The following OTULIN variants were observed in gnomAD, a reference collection of about 807,000 sequenced individuals.
OTULIN encodes OTU deubiquitinase with linear linkage specificity.
OTULIN carries 15 observed loss-of-function variants against 39.6 expected under a neutral mutation model. That is an observed-to-expected ratio of 0.38 (90% CI 0.25 to 0.58). The LOEUF is 0.58. OTULIN is among the 20% of genes least tolerant of loss of function. OTULIN has a pLI of 0.66. For synonymous variants in OTULIN, 156 were observed against 170.3 expected, an observed-to-expected ratio of 0.92 and a Z score of 0.65; for missense variants, 319 against 445.9, an observed-to-expected ratio of 0.72 and a Z score of 2.56.
At chr5:14,681,183 A>G (rs527237253) in intron 3 of OTULIN, among the ~76,000 whole-genome samples, 3 of 150,140 alleles carry the variant, frequency 2.0e-5, no homozygotes, top group Non-Finnish European at 4.4e-5. Flanking sequence ...GTTTTTCTAT[A>G]TTTTTTTAGT....
In OTULIN at chr5:14,681,431, G is replaced by T. The variant is rs770017442; in HGVS notation, c.325-33G>T. On this transcript the variant is annotated intron_variant, in intron 3 of 6. Transcript: ENST00000284274. The stretch of plus-strand genomic sequence containing the variant: ...TTCTCTGCTATCTCAAGTCAGTAAC[G>T]ACCATTTTGAATTCTTTCATACCTT... 3 of 1,574,866 alleles carry T rather than the reference G, an allele frequency of 1.9e-6. No individual in the cohort carries two copies. In the South Asian group the frequency reaches 3.5e-5, roughly 18 times the overall value.
the OTULIN span, chr5:14,709,446 G>C: frequency 3.3e-5 from 5 of 152,280 alleles, no homozygotes; most frequent in Admixed American, 3.3e-4. Context: ...GTCCCCACGT[G>C]GGCACACCCC....
rs561389556 is a variant in OTULIN at position 14,695,036 on chromosome 5, T to C, written c.*1988T>C. 3.3e-5 allele frequency: 5 copies of C among 152,322 alleles called. No individual in the cohort carries two copies. The South Asian group carries it at 8.3e-4, about 25-fold the overall frequency. The allele number at this position is 152,322 out of a possible 1,614,324, so 9.4% of individuals were successfully genotyped here. A position where few individuals can be genotyped will look rare whatever the true frequency, so the allele number is the denominator to read the frequency against. On this transcript the variant is annotated 3_prime_UTR_variant, in exon 7 of 7. Transcript: ENST00000284274. ...TGTCATTGAATTTTAAGAATACTCA[T>C]GTTAATAATAGTCATCTATCCTTGC...
At chr5:14,678,823 A>T (rs374134780) in intron 3 of OTULIN, 48 bp downstream of exon 3, 14 of 1,285,074 alleles carry the variant, frequency 1.1e-5, no homozygotes. Flanking sequence ...ATAGTCTATC[A>T]TAAGTTGTTT....
chr5:14,711,382 G>C, the OTULIN span: 12 of 1,336,996 alleles, frequency 9.0e-6, no homozygotes, highest in Admixed American at 1.3e-4. Context: ...CGAGCAGGGA[G>C]ACAACACCGG....
intron 4 of OTULIN, among the ~76,000 whole-genome samples, chr5:14,686,099 C>T (rs572437392): frequency 6.6e-6 from 1 of 152,140 alleles, no homozygotes; most frequent in East Asian, 1.9e-4. Flanking sequence ...AAGTAATTTA[C>T]ATCCCAATCG....
At chr5:14,711,567 C>T in the OTULIN span, among the ~76,000 whole-genome samples, 1 of 152,202 alleles carries the variant, frequency 6.6e-6, no homozygotes, top group Admixed American at 6.5e-5. Context: ...ACTGCCCCGC[C>T]CCAGACAACC....
At chr5:14,710,990 A>G in the OTULIN span, 2 of 581,570 alleles carry the variant, frequency 3.4e-6, no homozygotes, top group Non-Finnish European at 6.2e-6. Context: ...TTACATAGCA[A>G]CAGTAAAGAC....
downstream of OTULIN, among the ~76,000 whole-genome samples, chr5:14,701,738 C>T (rs550418276): frequency 6.6e-5 from 10 of 152,256 alleles, 1 homozygote; most frequent in South Asian, 2.1e-3. Flanking sequence ...GCCGCCTTCT[C>T]TTTGGTGTGA....
chr5:14,686,980 A>G (rs1275269338), intron 4 of OTULIN, among the ~76,000 whole-genome samples: 3 of 152,230 alleles, frequency 2.0e-5, no homozygotes, highest in Non-Finnish European at 4.4e-5. Context: ...CATTTCTCTG[A>G]ATGTTAAAAC....
At chr5:14,713,965 C>T in the OTULIN span, among the ~76,000 whole-genome samples, 1 of 152,270 alleles carries the variant, frequency 6.6e-6, no homozygotes, top group African/African-American at 2.4e-5. The surrounding 1 kb of genome is among the most constrained non-coding windows in gnomAD (Gnocchi z 4.4). Context: ...TTGTCCAGTC[C>T]TGTCCCCACA....
At chr5:14,669,730 G>C (rs1163760571) in intron 1 of OTULIN, among the ~76,000 whole-genome samples, 1 of 152,140 alleles carries the variant, frequency 6.6e-6, no homozygotes, top group Non-Finnish European at 1.5e-5. Context: ...GTGGTTGCAC[G>C]GCTGTAGTCT....
chr5:14,688,163 A>C (rs576776075), intron 5 of OTULIN, among the ~76,000 whole-genome samples: 2 of 152,064 alleles, frequency 1.3e-5, no homozygotes, highest in Non-Finnish European at 2.9e-5. Context: ...TCTGATTCCT[A>C]TTGATTTGGT....
chr5:14,681,631 G>GT (rs1736253180), intron 4 of OTULIN, 24 bp downstream of exon 4: 1 of 1,589,130 alleles, frequency 6.3e-7, no homozygotes, highest in Admixed American at 1.9e-5. Context: ...GCAGGTTTGA[G>GT]TCCAAAATGT....
In OTULIN at chr5:14,696,483, T is replaced by C. The variant is rs192534180; in HGVS notation, c.*3435T>C. 6.6e-6 allele frequency: 1 copy of C among 152,304 alleles called. No individual in the cohort carries two copies. Among genetic ancestry groups the C allele is most frequent in the African/African-American group, 2.4e-5 (1 of 41,568 alleles). 9.4% of individuals were successfully genotyped at this position (152,304 alleles called of 1,614,324 possible). ...AAGAAAGCCCTCAGTGTGTGTGAAGTGAATGTGAAATGTGTGTGAAATACA... is the reference window on the plus strand; with the variant it reads ...AAGAAAGCCCTCAGTGTGTGTGAAGCGAATGTGAAATGTGTGTGAAATACA... On this transcript the variant is annotated 3_prime_UTR_variant, in exon 7 of 7. Coordinates refer to ENST00000284274, the MANE Select transcript of OTULIN (RefSeq NM_138348.6).
rs1397343119 is a variant in OTULIN, at chr5:14,698,435, A to G, written c.*5387A>G. ...TTGGTTCCCACCTGCAGATGCGGTC[A>G]GTTGCCTGGCTCCTGGGGCCAGAGT... On this transcript the variant is annotated 3_prime_UTR_variant, in exon 7 of 7. Coordinates refer to ENST00000284274, the MANE Select transcript of OTULIN (RefSeq NM_138348.6). The G allele has an allele frequency of 6.6e-6, 1 of 152,266 alleles. No individual in the cohort carries two copies. Among genetic ancestry groups the G allele is most frequent in the African/African-American group, 2.4e-5 (1 of 41,474 alleles). 9.4% of individuals were successfully genotyped at this position (152,266 alleles called of 1,614,324 possible). A position where few individuals can be genotyped will look rare whatever the true frequency, so the allele number is the denominator to read the frequency against.
At chr5:14,667,748 G>A (rs1342909320) in intron 1 of OTULIN, among the ~76,000 whole-genome samples, 2 of 152,074 alleles carry the variant, frequency 1.3e-5, no homozygotes, top group Non-Finnish European at 2.9e-5. Context: ...CATACACCCA[G>A]CAGCTCATTT....
At chr5:14,674,612 G>T (rs148000574) in intron 2 of OTULIN, among the ~76,000 whole-genome samples, 2 of 152,184 alleles carry the variant, frequency 1.3e-5, no homozygotes, top group Admixed American at 6.5e-5. Context: ...AAAATTAATC[G>T]GGCGTGGTGG....
At chr5:14,672,493 C>G (rs1736003045) in intron 1 of OTULIN, among the ~76,000 whole-genome samples, 1 of 152,068 alleles carries the variant, frequency 6.6e-6, no homozygotes, top group Non-Finnish European at 1.5e-5. Context: ...CAGTCATTCA[C>G]TGAATATTTT....
Sources: gnomAD v4.1 joint callset for allele counts (sites outside exome capture counted in the v4.1 genomes callset) on GRCh38, gnomAD v4.1.1 for gene constraint, Gnocchi (gnomAD v3.1) non-coding constraint, MANE v1.5 for transcripts, NCBI Gene and HGNC (gene_info 2026-07-23, HGNC 2026-07-21) for gene names.